The following BRWD3 variants were observed in gnomAD, a reference collection of about 807,000 sequenced individuals.
BRWD3 encodes bromodomain and WD repeat-containing protein 3.
Under a neutral mutation model 149.7 loss-of-function variants are expected in BRWD3, and 10 were observed. The observed-to-expected ratio is 0.07, with a 90% CI of 0.04 to 0.11. The LOEUF is 0.11. Among genes scored for constraint, BRWD3 ranks in the 10% least tolerant of loss-of-function variants. The probability of loss-of-function intolerance (pLI) is 1.00; values close to 1 mark genes in which losing one functional copy is unlikely to be tolerated. For synonymous variants in BRWD3, 504 were observed against 456.7 expected (o/e 1.10, Z -1.32); for missense variants, 940 against 1,373.2 (o/e 0.68, Z 4.99).
At chrX:80,720,133 C>A (rs1427594867) in intron 17 of BRWD3, among the ~76,000 whole-genome samples, 2 of 111,797 alleles carry the variant, frequency 1.8e-5, no homozygotes, top group Non-Finnish European at 3.8e-5. Flanking sequence ...TAATAAATGA[C>A]TATATTACTG....
At chrX:80,692,654 T>G (rs2072627992) in intron 28 of BRWD3, among the ~76,000 whole-genome samples, 2 of 112,225 alleles carry the variant, frequency 1.8e-5, no homozygotes, top group African/African-American at 6.5e-5. Context: ...ATAGTTGCAA[T>G]TCTTGTCTAA....
chrX:80,759,295 C>T (rs1410399616), intron 6 of BRWD3, among the ~76,000 whole-genome samples: 2 of 111,872 alleles, frequency 1.8e-5, no homozygotes, highest in East Asian at 5.6e-4. Context: ...CTGAGTTCAC[C>T]ATCTATAGTT....
At chrX:80,687,041 C>G in intron 34 of BRWD3, 38 bp from the exon 35 acceptor site, 1 of 1,178,835 alleles carries the variant, frequency 8.5e-7, no homozygotes, top group Non-Finnish European at 1.2e-6. Context: ...AAAGATCTTT[C>G]CTTAACTCAG....
Position 80,681,476 on chromosome X carries a change from A to G in BRWD3, c.4519T>C (p.Ser1507Pro), listed in dbSNP as rs1350593987. 1 of 1,204,955 alleles carries G rather than the reference A, an allele frequency of 8.3e-7. No homozygotes were observed. Among genetic ancestry groups the G allele is most frequent in the African/African-American group, 1.8e-5 (1 of 57,034 alleles). Residue 1507 changes from serine (S) to proline (P), a missense_variant, in exon 40 of 41, where the codon TCA (serine) becomes CCA (proline). Around this residue, in one of 6 missense-constraint regions of BRWD3, gnomAD observed 349 missense variants for 419.6 expected, o/e 0.83. Coordinates refer to ENST00000373275, the MANE Select transcript of BRWD3 (RefSeq NM_153252.5). ...SPVSDAAEGL[S>P]LYLLDDEPDG... ...GGCTCATCATCAAGTAGATATAGTG[A>G]AAGCCCTTCAGCAGCATCTGAAACT...
At chrX:80,735,620 C>T (rs977774294) in intron 9 of BRWD3, among the ~76,000 whole-genome samples, 4 of 109,741 alleles carry the variant, frequency 3.6e-5, no homozygotes, top group South Asian at 3.9e-4. Context: ...CTGGCTAACA[C>T]GGTGAAACCC....
chrX:80,724,446 G>A (rs2073191283), intron 15 of BRWD3, among the ~76,000 whole-genome samples: 1 of 111,320 alleles, frequency 9.0e-6, no homozygotes, highest in African/African-American at 3.3e-5. Flanking sequence ...CCATAGAAGG[G>A]TGTTCTGAGA....
At position 80,690,035 on chromosome X, in the gene BRWD3, G is replaced by C; in HGVS notation, c.3660C>G (p.Phe1220Leu). 1 of 1,207,413 alleles carries C rather than the reference G, an allele frequency of 8.3e-7. No individual in the cohort carries two copies. Among genetic ancestry groups the C allele is most frequent in the Non-Finnish European group, 1.1e-6 (1 of 892,179 alleles). Residue 1220 changes from phenylalanine to leucine, a missense_variant, in exon 32 of 41, where the codon TTC becomes TTG. Physicochemically the swap from Phe to Leu is conservative, Grantham distance 22. Coordinates refer to ENST00000373275, the MANE Select transcript of BRWD3 (RefSeq NM_153252.5). ...TAACTATAGGACTGTCTGGCTCATTGAAAGTCCTGGCATTATGTTCAATAT... is the reference window on the plus strand; with the variant it reads ...TAACTATAGGACTGTCTGGCTCATTCAAAGTCCTGGCATTATGTTCAATAT... ...VRYIEHNART[F>L]NEPDSPIVKA...
chrX:80,713,039 G>A (rs1442583854), intron 20 of BRWD3, among the ~76,000 whole-genome samples: 1 of 108,892 alleles, frequency 9.2e-6, no homozygotes, highest in Non-Finnish European at 1.9e-5. Flanking sequence ...CCCCCCGCCC[G>A]GCCAGCTGCC....
At chrX:80,684,875 A>T (rs1479760862) in intron 36 of BRWD3, among the ~76,000 whole-genome samples, 1 of 111,058 alleles carries the variant, frequency 9.0e-6, no homozygotes, top group Non-Finnish European at 1.9e-5. Context: ...TCAGTATTAG[A>T]TCCCTTATTG....
chrX:80,793,885 A>G, intron 4 of BRWD3, 113 bp from the exon 5 acceptor site: 1 of 841,122 alleles, frequency 1.2e-6, no homozygotes. Context: ...CAGTTTTAAA[A>G]TATGGAATCA....
chrX:80,685,357 C>G, intron 36 of BRWD3, 105 bp downstream of exon 36: 1 of 693,072 alleles, frequency 1.4e-6, no homozygotes. Context: ...AAAAGGGGAG[C>G]AGAGTTAGAA....
At chrX:80,722,083 A>C (rs1341051510) in intron 17 of BRWD3, among the ~76,000 whole-genome samples, 1 of 111,965 alleles carries the variant, frequency 8.9e-6, no homozygotes, top group Non-Finnish European at 1.9e-5. Context: ...CCTAACCTCA[A>C]GTAATCCACC....
intron 6 of BRWD3, among the ~76,000 whole-genome samples, chrX:80,766,820 C>T (rs927333699): frequency 8.9e-6 from 1 of 112,246 alleles, no homozygotes. Flanking sequence ...TGCCTCACGC[C>T]GGAAGTGCAA....
chrX:80,748,721 G>C (rs1307978982), intron 6 of BRWD3, among the ~76,000 whole-genome samples: 1 of 111,302 alleles, frequency 9.0e-6, no homozygotes, highest in Non-Finnish European at 1.9e-5. Context: ...TGTTTTTCAA[G>C]TCTCTATCTT....
chrX:80,786,697 T>C (rs2074111566), intron 6 of BRWD3, among the ~76,000 whole-genome samples: 1 of 110,939 alleles, frequency 9.0e-6, no homozygotes, highest in African/African-American at 3.3e-5. Flanking sequence ...ATATTTTTAG[T>C]AGAGAGGGGG....
intron 16 of BRWD3, 141 bp downstream of exon 16, chrX:80,723,607 A>G: frequency 1.6e-6 from 1 of 623,072 alleles, no homozygotes; most frequent in Admixed American, 3.3e-5. Flanking sequence ...ACAATTGAGA[A>G]CCTTTACTAA....
intron 22 of BRWD3, among the ~76,000 whole-genome samples, chrX:80,706,404 C>G (rs759414601): frequency 9.0e-6 from 1 of 111,505 alleles, no homozygotes; most frequent in African/African-American, 3.3e-5. Flanking sequence ...CCACCACGTT[C>G]GGCAAATTTT....
intron 15 of BRWD3, among the ~76,000 whole-genome samples, chrX:80,724,379 TAAG>T (rs779800467): frequency 2.4e-4 from 27 of 111,593 alleles, no homozygotes; most frequent in African/African-American, 8.4e-4. Context: ...GAATTATTCT[TAAG>T]AGGATATTAG....
chrX:80,718,235 A>C (rs2073099860), intron 18 of BRWD3, among the ~76,000 whole-genome samples: 2 of 112,078 alleles, frequency 1.8e-5, no homozygotes, highest in South Asian at 7.3e-4. Flanking sequence ...TTCAAGATTG[A>C]TGAGCAACGA....
Sources: allele counts gnomAD v4.1 joint callset (sites outside exome capture counted in the v4.1 genomes callset), GRCh38; gene constraint gnomAD v4.1.1; regional missense constraint gnomAD v4.1.1; transcripts MANE v1.5; gene names NCBI Gene and HGNC (gene_info 2026-07-23, HGNC 2026-07-21).